CDH13: variants seen among roughly 807,000 people sequenced by gnomAD.
The protein encoded by CDH13 is cadherin-13.
In CDH13, 24 loss-of-function variants were observed where a neutral mutation model predicts 63.8. The observed-to-expected ratio is 0.38, with a 90% confidence interval of 0.27 to 0.53. The LOEUF is 0.53. Ranked by LOEUF, CDH13 falls within the 20% of genes least tolerant of loss-of-function variation. The probability of loss-of-function intolerance (pLI) is 0.85; values close to 1 mark genes in which losing one functional copy is unlikely to be tolerated. For synonymous variants in CDH13, 503 were observed against 355.3 expected, an observed-to-expected ratio of 1.42 and a Z score of -4.67; for missense variants, 1,049 against 903.1, an observed-to-expected ratio of 1.16 and a Z score of -2.07.
chr16:83,687,177 C>A (rs1904386222), intron 10 of CDH13, among the ~76,000 whole-genome samples: 2 of 152,070 alleles, frequency 1.3e-5, no homozygotes, highest in Admixed American at 1.3e-4. Context: ...CGTGCCACTG[C>A]CCTCCAACCT....
intron 8 of CDH13, among the ~76,000 whole-genome samples, chr16:83,666,569 T>A (rs1479625584): frequency 6.6e-6 from 1 of 152,246 alleles, no homozygotes; most frequent in Non-Finnish European, 1.5e-5. Flanking sequence ...ATAAGGTGAC[T>A]CTACCACCTC....
intron 8 of CDH13, among the ~76,000 whole-genome samples, chr16:83,615,967 C>G (rs1011642870): frequency 1.3e-5 from 2 of 152,182 alleles, no homozygotes; most frequent in Non-Finnish European, 2.9e-5. Flanking sequence ...AAATCATCAA[C>G]TAAATCTTCC....
intron 1 of CDH13, among the ~76,000 whole-genome samples, chr16:82,659,431 C>G (rs1464899436): frequency 1.3e-5 from 2 of 152,192 alleles, no homozygotes; most frequent in African/African-American, 2.4e-5. Flanking sequence ...TAGGCACTGT[C>G]TGCATGTACT....
At chr16:83,651,588 C>CTTTTTTTTT (rs35237670) in intron 8 of CDH13, among the ~76,000 whole-genome samples, 14 of 75,306 alleles carry the variant, frequency 1.9e-4, no homozygotes, top group East Asian at 4.1e-4. Flanking sequence ...TTATTTTCCT[C>CTTTTTTTTT]TTTTTTTTTT....
chr16:82,742,706 C>T (rs1000971296), intron 1 of CDH13, among the ~76,000 whole-genome samples: 6 of 152,042 alleles, frequency 3.9e-5, no homozygotes, highest in African/African-American at 1.4e-4. Flanking sequence ...GTATAATTTC[C>T]CTTTGCATAA....
intron 4 of CDH13, among the ~76,000 whole-genome samples, chr16:83,208,059 G>C (rs1041765990): frequency 6.6e-6 from 1 of 152,056 alleles, no homozygotes; most frequent in Non-Finnish European, 1.5e-5. Flanking sequence ...GCCTTCCCTG[G>C]GATGATGGGA....
At position 82,898,950 on chromosome 16, in the gene CDH13, G is replaced by A. The variant is rs1182126307; in HGVS notation, c.157+40477G>A. Among the ~76,000 whole-genome samples, 11 of 152,188 alleles carry A rather than the reference G, an allele frequency of 7.2e-5. 1 individual carries two copies. Among genetic ancestry groups the A allele is most frequent in the Non-Finnish European group, 2.9e-5 (2 of 68,040 alleles). Reference sequence around the variant, plus strand: ...GTAGATATGGGCTTCCCTGGAAGGGGCAAAACCTTGGATGAGGCAGCTCTC... The same window carrying A: ...GTAGATATGGGCTTCCCTGGAAGGGACAAAACCTTGGATGAGGCAGCTCTC... On this transcript the variant is annotated intron_variant, in intron 2 of 13. Transcript: ENST00000567109.
intron 1 of CDH13, among the ~76,000 whole-genome samples, chr16:82,645,466 A>G (rs1284736293): frequency 6.6e-6 from 1 of 151,926 alleles, no homozygotes; most frequent in African/African-American, 2.4e-5. Flanking sequence ...ATCTACAGAC[A>G]TGCTTGTTTT....
chr16:83,678,938 A>G (rs773404584), intron 10 of CDH13, among the ~76,000 whole-genome samples: 2 of 152,200 alleles, frequency 1.3e-5, no homozygotes, highest in Non-Finnish European at 2.9e-5. Flanking sequence ...TAGAGGAATC[A>G]GGATGGAAAC....
intron 1 of CDH13, chr16:82,639,606 T>C (rs1909139752): frequency 9.4e-6 from 6 of 635,632 alleles, no homozygotes; most frequent in Admixed American, 2.3e-5. Context: ...ACAAGAAATA[T>C]ACAGTCTGTA....
In CDH13 at chr16:82,940,281, A is replaced by G. The variant is rs573097203; in HGVS notation, c.157+81808A>G. ...CACTTGAATACGTTGCCTTGAGCAAATTATTCCCTTGCAGAATCTCAGTTT... is the reference window on the plus strand; with the variant it reads ...CACTTGAATACGTTGCCTTGAGCAAGTTATTCCCTTGCAGAATCTCAGTTT... On this transcript the variant is annotated intron_variant, in intron 2 of 13. Transcript: ENST00000567109. Among the ~76,000 whole-genome samples the G allele has an allele frequency of 1.6e-4, 24 of 152,316 alleles. No individual in the cohort carries two copies. The South Asian group carries it at 4.8e-3, about 30-fold the overall frequency.
intron 1 of CDH13, among the ~76,000 whole-genome samples, chr16:82,695,673 C>T (rs952024928): frequency 1.1e-4 from 16 of 152,200 alleles, no homozygotes; most frequent in African/African-American, 3.9e-4. Flanking sequence ...GTCAAAGCCC[C>T]TATCTGAATT....
intron 1 of CDH13, among the ~76,000 whole-genome samples, chr16:82,771,026 A>AT (rs1430882945): frequency 6.6e-6 from 1 of 152,144 alleles, no homozygotes; most frequent in Non-Finnish European, 1.5e-5. Context: ...AATAGTTCCA[A>AT]TTTTTTATGT....
At chr16:83,704,270 A>C (rs979863682) in intron 10 of CDH13, among the ~76,000 whole-genome samples, 1 of 152,194 alleles carries the variant, frequency 6.6e-6, no homozygotes, top group African/African-American at 2.4e-5. Context: ...TTAGGTTGTT[A>C]AGGCAAGAGA....
chr16:83,772,557 G>A (rs1567585895), intron 11 of CDH13, among the ~76,000 whole-genome samples: 1 of 152,218 alleles, frequency 6.6e-6, no homozygotes, highest in Non-Finnish European at 1.5e-5. Flanking sequence ...AAGACTTAGT[G>A]TATATTTTTA....
At chr16:83,738,110 G>A (rs1597152032) in intron 10 of CDH13, among the ~76,000 whole-genome samples, 2 of 152,292 alleles carry the variant, frequency 1.3e-5, no homozygotes, top group South Asian at 2.1e-4. Context: ...CATGATTTAC[G>A]ATGTGAGGGA....
At chr16:82,989,270 G>T (rs1360820660) in intron 2 of CDH13, among the ~76,000 whole-genome samples, 1 of 152,188 alleles carries the variant, frequency 6.6e-6, no homozygotes, top group Non-Finnish European at 1.5e-5. Context: ...TCACTCACAA[G>T]TACAAGTCTG....
intron 2 of CDH13, among the ~76,000 whole-genome samples, chr16:82,991,636 T>A (rs1313170003): frequency 1.3e-5 from 2 of 152,128 alleles, no homozygotes; most frequent in Non-Finnish European, 2.9e-5. Context: ...AAATAAGTGA[T>A]CAAAGGGCAA....
At position 83,167,820 on chromosome 16, in the gene CDH13, T is replaced by C. The variant is rs1019590904; in HGVS notation, c.483+42319T>C. Reference sequence around the variant, plus strand: ...ACCTAGGTGCCCAGCAGTGGTGGACTGGATTGAAAAAAAACGTGGTACATA... The same window carrying C: ...ACCTAGGTGCCCAGCAGTGGTGGACCGGATTGAAAAAAAACGTGGTACATA... On this transcript the variant is annotated intron_variant, in intron 4 of 13. Coordinates refer to ENST00000567109, the MANE Select transcript of CDH13 (RefSeq NM_001257.5). Among the ~76,000 whole-genome samples, 15 of 151,706 alleles carry C rather than the reference T, an allele frequency of 9.9e-5. 1 individual carries two copies. Among genetic ancestry groups the C allele is most frequent in the Admixed American group, 9.2e-4 (14 of 15,192 alleles).
Sources: gnomAD v4.1 joint callset for allele counts (sites outside exome capture counted in the v4.1 genomes callset) on GRCh38, gnomAD v4.1.1 for gene constraint, MANE v1.5 for transcripts, NCBI Gene and HGNC (gene_info 2026-07-23, HGNC 2026-07-21) for gene names.